The following UTS2B variants were observed in gnomAD, a reference collection of about 807,000 sequenced individuals.
UTS2B encodes the protein urotensin-2B.
Under a neutral mutation model 19.2 loss-of-function variants are expected in UTS2B, and 21 were observed. The ratio of observed to expected loss-of-function variants is 1.09; its 90% CI spans 0.78 to 1.58. The LOEUF (loss-of-function observed/expected upper bound fraction) is 1.58. UTS2B is among the 40% of genes most tolerant of loss of function. UTS2B has a pLI of 0.00. For missense variants in UTS2B, 138 were observed against 130.3 expected, an observed-to-expected ratio of 1.06 and a Z score of -0.29; for synonymous variants, 57 against 50.2, an observed-to-expected ratio of 1.14 and a Z score of -0.58.
intron 4 of UTS2B, among the ~76,000 whole-genome samples, chr3:191,293,089 G>A (rs1161272930): frequency 6.6e-6 from 1 of 151,958 alleles, no homozygotes; most frequent in African/African-American, 2.4e-5. Context: ...AATAAACCTT[G>A]TATTCCAGGA....
intron 4 of UTS2B, among the ~76,000 whole-genome samples, chr3:191,289,408 C>CAATAAATAAATAAATAAATAAATA (rs373034429): frequency 1.4e-5 from 2 of 139,310 alleles, no homozygotes; most frequent in African/African-American, 5.6e-5. Flanking sequence ...GACTCCATCT[C>CAATAAATAAATAAATAAATAAATA]AATAAATAAA....
rs999248036 is a variant in UTS2B, at chr3:191,329,948, G to A, written c.-665+466C>T. Among the ~76,000 whole-genome samples the A allele has an allele frequency of 7.0e-5, 10 of 143,486 alleles. 1 individual carries two copies. The South Asian group carries it at 7.6e-4, about 11-fold the overall frequency. 94.1% of individuals were successfully genotyped at this position (143,486 alleles called of 152,430 possible). On this transcript the variant is annotated intron_variant, in intron 1 of 8. Transcript: ENST00000340524. ...TTTTTCTCAAGGGGGTGGTTGGGGGGGGGGGGGGCTAGCAGCAGCCCCAGC... is the reference window on the plus strand; with the variant it reads ...TTTTTCTCAAGGGGGTGGTTGGGGGAGGGGGGGGCTAGCAGCAGCCCCAGC...
At chr3:191,337,041 A>G in the UTS2B span, among the ~76,000 whole-genome samples, 1 of 152,070 alleles carries the variant, frequency 6.6e-6, no homozygotes, top group South Asian at 2.1e-4. Context: ...TTATTGGAAC[A>G]TAGCCATACT....
intron 4 of UTS2B, among the ~76,000 whole-genome samples, chr3:191,293,254 C>T (rs1265853459): frequency 1.3e-5 from 2 of 152,108 alleles, no homozygotes; most frequent in African/African-American, 4.8e-5. Context: ...CAGGGCAATA[C>T]TGGCCTTGTA....
the UTS2B span, among the ~76,000 whole-genome samples, chr3:191,339,856 A>T: frequency 1.3e-5 from 2 of 152,360 alleles, no homozygotes; most frequent in East Asian, 3.9e-4. Context: ...GTTGAACAAA[A>T]GGTTAAAATG....
the UTS2B span, among the ~76,000 whole-genome samples, chr3:191,340,680 T>C: frequency 6.6e-6 from 1 of 152,204 alleles, no homozygotes; most frequent in Non-Finnish European, 1.5e-5. Flanking sequence ...TTATTAAACA[T>C]TTTAGACATT....
At chr3:191,316,996 C>A (rs113982243) in intron 2 of UTS2B, among the ~76,000 whole-genome samples, 3,842 of 152,360 alleles carry the variant, frequency 0.025, 158 homozygotes, top group African/African-American at 0.088. Context: ...TCCCGTTAGT[C>A]CCGCACTGCG....
At chr3:191,339,580 C>G in the UTS2B span, among the ~76,000 whole-genome samples, 3 of 152,146 alleles carry the variant, frequency 2.0e-5, no homozygotes, top group African/African-American at 7.2e-5. Context: ...ATAGAGAAAT[C>G]TAGGGCATTT....
At chr3:191,329,786 G>T (rs918643452) in intron 1 of UTS2B, 1 of 1,554,192 alleles carries the variant, frequency 6.4e-7, no homozygotes. Context: ...GTTCTCTCAG[G>T]TCAGGGGCGT....
In UTS2B at chr3:191,276,805, A is replaced by C. The variant is rs750540391; in HGVS notation, c.240+2T>G. ...GCTCATTTAAGTATTTCACATTCTC[A>C]CCTGGTTAAGTTCTTCCAGTTTGTT... is the stretch of plus-strand genomic sequence containing the variant. On this transcript the variant is annotated splice_donor_variant, in intron 7 of 8. Coordinates refer to ENST00000340524, the MANE Select transcript of UTS2B (RefSeq NM_198152.5). LOFTEE classifies it high-confidence loss of function. The C allele has an allele frequency of 5.6e-6, 9 of 1,611,474 alleles. No individual in the cohort carries two copies. Among genetic ancestry groups the C allele is most frequent in the Non-Finnish European group, 6.8e-6 (8 of 1,178,918 alleles).
chr3:191,313,826 G>T (rs537225684), intron 3 of UTS2B, among the ~76,000 whole-genome samples: 1 of 149,418 alleles, frequency 6.7e-6, no homozygotes, highest in South Asian at 2.1e-4. Context: ...TGCCTCCCAG[G>T]TTCAAGTGAT....
intron 8 of UTS2B, chr3:191,273,548 C>T (rs1230192110): frequency 4.4e-6 from 2 of 456,600 alleles, no homozygotes; most frequent in South Asian, 1.5e-5. Flanking sequence ...GCTGTATCAA[C>T]GTTCTGGATG....
chr3:191,300,531 G>C (rs1716970150), intron 4 of UTS2B, among the ~76,000 whole-genome samples: 1 of 152,236 alleles, frequency 6.6e-6, no homozygotes, highest in African/African-American at 2.4e-5. Context: ...CCTGGAATGA[G>C]TTAAGACTTG....
intron 4 of UTS2B, among the ~76,000 whole-genome samples, chr3:191,296,438 A>G (rs1254363051): frequency 6.6e-6 from 1 of 152,188 alleles, no homozygotes; most frequent in Non-Finnish European, 1.5e-5. Context: ...CCGTAAATCA[A>G]TTACTCTATG....
At chr3:191,334,939 T>C (rs750680062), upstream of UTS2B, among the ~76,000 whole-genome samples, 10 of 152,184 alleles carry the variant, frequency 6.6e-5, no homozygotes, top group South Asian at 2.1e-4. Flanking sequence ...CTGTAGGAAG[T>C]CACACTCTTG....
At position 191,282,157 on chromosome 3, in the gene UTS2B, A is replaced by G; in HGVS notation, c.33T>C (p.Phe11=). ...ACACGGATAACAAAGTTAGGAGTCC[A>G]AAGCAAACAGTGCTTGAGAGGATCT... MNKILSSTVC[F]GLLTLLSVLS... The change falls in exon 5 of 9, where the codon TTT becomes TTC. Residue 11 remains phenylalanine (F), a synonymous_variant. Coordinates refer to ENST00000340524, the MANE Select transcript of UTS2B (RefSeq NM_198152.5). 1 of 1,613,346 alleles carries G rather than the reference A, an allele frequency of 6.2e-7. No homozygotes were observed. Among genetic ancestry groups the G allele is most frequent in the Non-Finnish European group, 8.5e-7 (1 of 1,179,586 alleles).
At position 191,329,966 on chromosome 3, in the gene UTS2B, G is replaced by A. The variant is rs1289352042; in HGVS notation, c.-665+448C>T. ...TTGGGGGGGGGGGGGGCTAGCAGCA[G>A]CCCCAGCAAGTAGGTGGCTGTGCCC... is the stretch of plus-strand genomic sequence containing the variant. On this transcript the variant is annotated intron_variant, in intron 1 of 8. Transcript: ENST00000340524. 7.1e-4 allele frequency among the ~76,000 whole-genome samples: 96 copies of A among 135,846 alleles called. 2 individuals are homozygous for A. Among genetic ancestry groups the A allele is most frequent in the Admixed American group, 2.6e-3 (35 of 13,222 alleles). The allele number at this position is 135,846 out of a possible 152,430, so 89.1% of individuals were successfully genotyped here.
chr3:191,322,815 G>A (rs1285658530), intron 2 of UTS2B, among the ~76,000 whole-genome samples: 1 of 152,204 alleles, frequency 6.6e-6, no homozygotes, highest in Non-Finnish European at 1.5e-5. Flanking sequence ...TGACTGCTAA[G>A]ATACTAACAT....
chr3:191,278,577 C>T (rs1560133638), intron 5 of UTS2B, among the ~76,000 whole-genome samples: 1 of 151,888 alleles, frequency 6.6e-6, no homozygotes, highest in Non-Finnish European at 1.5e-5. Flanking sequence ...ATCTGATATA[C>T]ACATTTATAT....
Sources: allele counts gnomAD v4.1 joint callset (sites outside exome capture counted in the v4.1 genomes callset), GRCh38; gene constraint gnomAD v4.1.1; transcripts MANE v1.5; gene names NCBI Gene and HGNC (gene_info 2026-07-23, HGNC 2026-07-21).